FGF1: variants seen among roughly 807,000 people sequenced by gnomAD.
The protein encoded by FGF1 is beta-endothelial cell growth factor.
Under a neutral mutation model 13.4 loss-of-function variants are expected in FGF1, and 9 were observed. The ratio of observed to expected loss-of-function variants is 0.67; its 90% CI spans 0.40 to 1.17. FGF1 has a LOEUF of 1.17. Ranked by LOEUF, FGF1 falls within the 50% of genes most tolerant of loss-of-function variation. FGF1 has a pLI of 0.01. For synonymous variants in FGF1, 93 were observed against 79.0 expected (o/e 1.18, Z -0.94); for missense variants, 156 against 192.7 (o/e 0.81, Z 1.13).
chr5:142,620,581 T>C (rs1483198337), intron 1 of FGF1, among the ~76,000 whole-genome samples: 1 of 152,118 alleles, frequency 6.6e-6, no homozygotes, highest in Non-Finnish European at 1.5e-5. Flanking sequence ...TGACATAGCC[T>C]CAAAATACAT....
At chr5:142,620,980 C>T (rs34019) in intron 1 of FGF1, among the ~76,000 whole-genome samples, 57,890 of 151,694 alleles carry the variant, frequency 0.38, 11,798 homozygotes, top group African/African-American at 0.51. Flanking sequence ...TAAAGCCATC[C>T]TCTTTTCTCC....
At chr5:142,605,223 C>T (rs945090580) in intron 2 of FGF1, among the ~76,000 whole-genome samples, 1 of 151,718 alleles carries the variant, frequency 6.6e-6, no homozygotes, top group Non-Finnish European at 1.5e-5. Context: ...TCTCCTGTCT[C>T]AGCTTCCCAG....
chr5:142,653,686 T>C (rs1767663844), intron 1 of FGF1, among the ~76,000 whole-genome samples: 1 of 152,204 alleles, frequency 6.6e-6, no homozygotes, highest in African/African-American at 2.4e-5. Flanking sequence ...CAGCTCTCAT[T>C]GTGCTGCCTG....
At chr5:142,620,970 T>C (rs34018) in intron 1 of FGF1, among the ~76,000 whole-genome samples, 58,519 of 151,748 alleles carry the variant, frequency 0.39, 12,105 homozygotes, top group African/African-American at 0.52. Flanking sequence ...TAGTGTCTCC[T>C]AAAGCCATCC....
chr5:142,631,231 G>A (rs1561611372), intron 1 of FGF1, among the ~76,000 whole-genome samples: 1 of 152,192 alleles, frequency 6.6e-6, no homozygotes, highest in Non-Finnish European at 1.5e-5. Flanking sequence ...AGAAAAAAGT[G>A]AAGCAAATAT....
intron 1 of FGF1, among the ~76,000 whole-genome samples, chr5:142,679,178 C>G (rs1171865706): frequency 6.6e-6 from 1 of 152,186 alleles, no homozygotes; most frequent in African/African-American, 2.4e-5. Flanking sequence ...CTGACCCCGC[C>G]TGCTTCTTGG....
chr5:142,596,495 C>T (rs1240138834), intron 3 of FGF1, among the ~76,000 whole-genome samples: 1 of 146,558 alleles, frequency 6.8e-6, no homozygotes, highest in Non-Finnish European at 1.5e-5. Flanking sequence ...GTAATTACAA[C>T]ACTTTGGGAG....
intron 1 of FGF1, among the ~76,000 whole-genome samples, chr5:142,677,830 C>T (rs912799218): frequency 2.6e-5 from 4 of 152,172 alleles, no homozygotes; most frequent in African/African-American, 9.7e-5. Context: ...ATAAGGCTTA[C>T]ATTCTAAGGG....
intron 2 of FGF1, among the ~76,000 whole-genome samples, chr5:142,607,101 G>T (rs777105076): frequency 1.3e-5 from 2 of 152,048 alleles, no homozygotes; most frequent in Non-Finnish European, 2.9e-5. Context: ...TTTGTTCCTC[G>T]TGACCCCTGA....
At chr5:142,613,834 G>A (rs1759607476) in intron 2 of FGF1, 125 bp downstream of exon 2, 1 of 1,004,914 alleles carries the variant, frequency 1.0e-6, no homozygotes, top group Non-Finnish European at 1.4e-6. Context: ...CTCCACCTCT[G>A]AATGTGTCAT....
At position 142,670,561 on chromosome 5, in the gene FGF1, A is replaced by G. The variant is rs17216874; in HGVS notation, c.-35+15396T>C. On this transcript the variant is annotated intron_variant, in intron 1 of 3. Coordinates refer to ENST00000337706, the MANE Select transcript of FGF1 (RefSeq NM_000800.5). ...CCCCCATCCACTCACACATGACAGC[A>G]TGAGAGCAGAGAACATGTTTTATCT... 3.5e-4 allele frequency among the ~76,000 whole-genome samples: 53 copies of G among 152,290 alleles called. No individual in the cohort carries two copies. In the East Asian group the frequency reaches 6.2e-3, roughly 18 times the overall value.
chr5:142,629,670 C>T (rs915364137), intron 1 of FGF1, among the ~76,000 whole-genome samples: 1 of 151,974 alleles, frequency 6.6e-6, no homozygotes, highest in African/African-American at 2.4e-5. Flanking sequence ...TCACTCCACA[C>T]AACTGTATAT....
At chr5:142,664,456 G>A (rs970533557) in intron 1 of FGF1, among the ~76,000 whole-genome samples, 18 of 152,344 alleles carry the variant, frequency 1.2e-4, no homozygotes, top group Non-Finnish European at 1.8e-4. Context: ...GAATTAGATC[G>A]TGGAGGCAAC....
upstream of FGF1, chr5:142,686,478 T>C (rs1270978124): frequency 6.6e-6 from 1 of 152,236 alleles, no homozygotes; most frequent in African/African-American, 2.4e-5. Context: ...GGCAAATGTG[T>C]GAGCCGAATG....
At chr5:142,682,725 G>A (rs1244951704) in intron 1 of FGF1, among the ~76,000 whole-genome samples, 1 of 152,222 alleles carries the variant, frequency 6.6e-6, no homozygotes, top group African/African-American at 2.4e-5. Context: ...GTTTTAAGCA[G>A]TTAGCATTGG....
chr5:142,651,230 C>T (rs1318059273), intron 1 of FGF1, among the ~76,000 whole-genome samples: 1 of 152,158 alleles, frequency 6.6e-6, no homozygotes, highest in Non-Finnish European at 1.5e-5. Flanking sequence ...CTGAACCCAC[C>T]ACGACTTGCC....
At position 142,595,463 on chromosome 5, in the gene FGF1, A is replaced by G. The variant is rs143011306; in HGVS notation, c.295T>C (p.Leu99=). 3.1e-6 allele frequency: 5 copies of G among 1,613,750 alleles called. No homozygotes were observed. The highest frequency in any genetic ancestry group is 3.4e-6 in the Non-Finnish European group (4 of 1,179,812). Residue 99 remains leucine, a synonymous_variant, in exon 4 of 4, where the codon TTG becomes CTG. Coordinates refer to ENST00000337706, the MANE Select transcript of FGF1 (RefSeq NM_000800.5). Reference sequence around the variant, plus strand: ...TTCTCCTCCAGCCTTTCCAGGAACAAACATTCCTCATTTGGTGTCTGCTAA... The same window carrying G: ...TTCTCCTCCAGCCTTTCCAGGAACAGACATTCCTCATTTGGTGTCTGCTAA... ...YGSQTPNEEC[L]FLERLEENHY...
intron 1 of FGF1, among the ~76,000 whole-genome samples, chr5:142,670,166 G>A (rs920490136): frequency 6.6e-6 from 1 of 152,154 alleles, no homozygotes; most frequent in Non-Finnish European, 1.5e-5. Context: ...ACCTTCCCTT[G>A]TTTCCTACTT....
intron 2 of FGF1, among the ~76,000 whole-genome samples, chr5:142,608,581 T>TAC (rs1758315618): frequency 7.9e-5 from 5 of 63,450 alleles, no homozygotes; most frequent in Non-Finnish European, 1.5e-4. Context: ...TATATATATA[T>TAC]ATACACACAC....
Sources: gnomAD v4.1 joint callset for allele counts (sites outside exome capture counted in the v4.1 genomes callset) on GRCh38, gnomAD v4.1.1 for gene constraint, MANE v1.5 for transcripts, NCBI Gene and HGNC (gene_info 2026-07-23, HGNC 2026-07-21) for gene names.